NCOA2: variants seen among roughly 807,000 people sequenced by gnomAD.
The protein encoded by NCOA2 is class E basic helix-loop-helix protein 75.
NCOA2 carries 21 observed loss-of-function variants against 145.1 expected under a neutral mutation model. That is an observed-to-expected ratio of 0.14 (90% CI 0.10 to 0.21). NCOA2 has a LOEUF of 0.21. NCOA2 is among the 10% of genes least tolerant of loss of function. NCOA2 has a pLI of 1.00. For synonymous variants in NCOA2, 619 were observed against 637.5 expected (o/e 0.97, Z 0.44); for missense variants, 1,472 against 1,837.6 (o/e 0.80, Z 3.64).
In NCOA2 at chr8:70,379,638, C is replaced by T. The variant is rs564943531; in HGVS notation, c.-77+24062G>A. On this transcript the variant is annotated intron_variant, in intron 1 of 22. Coordinates refer to ENST00000452400, the MANE Select transcript of NCOA2 (RefSeq NM_006540.4). ...CTGCATTTACTGCTTATACAAAGCA[C>T]ACCCGAAGAGAAAAAAGTCATCTTT... is the stretch of plus-strand genomic sequence containing the variant. Among the ~76,000 whole-genome samples the T allele has an allele frequency of 2.0e-5, 3 of 152,226 alleles. No homozygotes were observed. In the East Asian group the frequency reaches 5.8e-4, roughly 29 times the overall value.
intron 2 of NCOA2, among the ~76,000 whole-genome samples, chr8:70,262,392 G>A (rs931168444): frequency 4.6e-5 from 7 of 152,192 alleles, no homozygotes; most frequent in African/African-American, 1.7e-4. Flanking sequence ...GGTCCTACAG[G>A]AGTTACCATA....
chr8:70,119,981 C>T (rs1807614706), intron 22 of NCOA2, among the ~76,000 whole-genome samples: 1 of 151,998 alleles, frequency 6.6e-6, no homozygotes, highest in Non-Finnish European at 1.5e-5. Context: ...GTGATTCTCC[C>T]ACCTCAGCCT....
At chr8:70,303,012 G>A (rs929335807) in intron 1 of NCOA2, among the ~76,000 whole-genome samples, 2 of 152,084 alleles carry the variant, frequency 1.3e-5, no homozygotes, top group Admixed American at 1.3e-4. Context: ...CATGGTCAGA[G>A]GCAATACAAT....
intron 1 of NCOA2, among the ~76,000 whole-genome samples, chr8:70,354,596 G>C (rs1809518328): frequency 6.6e-6 from 1 of 152,160 alleles, no homozygotes; most frequent in South Asian, 2.1e-4. Context: ...CCAGGGACTA[G>C]AGAAACCTGG....
chr8:70,292,995 C>T (rs1354059725), intron 2 of NCOA2, among the ~76,000 whole-genome samples: 3 of 152,102 alleles, frequency 2.0e-5, no homozygotes, highest in African/African-American at 7.2e-5. Context: ...AGACCAGGAT[C>T]GTGATTCTAC....
At chr8:70,399,767 G>A (rs1006911234) in intron 1 of NCOA2, among the ~76,000 whole-genome samples, 1 of 152,186 alleles carries the variant, frequency 6.6e-6, no homozygotes, top group East Asian at 1.9e-4. Flanking sequence ...ATTGTTTAAA[G>A]AGACCATCCC....
intron 2 of NCOA2, among the ~76,000 whole-genome samples, chr8:70,250,653 T>A (rs934675974): frequency 6.6e-6 from 1 of 152,176 alleles, no homozygotes; most frequent in Admixed American, 6.5e-5. Context: ...TAAATTTCTA[T>A]AATACAAATG....
At chr8:70,338,128 T>TAAA (rs375608788) in intron 1 of NCOA2, among the ~76,000 whole-genome samples, 3 of 150,636 alleles carry the variant, frequency 2.0e-5, no homozygotes, top group African/African-American at 7.3e-5. Context: ...AAAAAACCCT[T>TAAA]AAAAAAAAAT....
intron 2 of NCOA2, among the ~76,000 whole-genome samples, chr8:70,290,512 A>G (rs1826590054): frequency 6.6e-6 from 1 of 152,124 alleles, no homozygotes; most frequent in African/African-American, 2.4e-5. Flanking sequence ...ATAGACATCC[A>G]TGAATCATTC....
At chr8:70,403,394 G>C (rs893643135) in intron 1 of NCOA2, among the ~76,000 whole-genome samples, 3 of 151,500 alleles carry the variant, frequency 2.0e-5, no homozygotes, top group African/African-American at 7.3e-5. Context: ...CTCGTCTCCT[G>C]AGCTCTCGCA....
the NCOA2 span, among the ~76,000 whole-genome samples, chr8:70,436,849 C>T: frequency 6.6e-6 from 1 of 152,192 alleles, no homozygotes; most frequent in African/African-American, 2.4e-5. Flanking sequence ...GTATGACCAC[C>T]GTTATCTGAA....
chr8:70,304,535 C>T (rs528045038), intron 1 of NCOA2, among the ~76,000 whole-genome samples: 3 of 151,954 alleles, frequency 2.0e-5, no homozygotes, highest in East Asian at 1.9e-4. Context: ...GGCATGACCT[C>T]GGCTCACTGC....
At chr8:70,364,421 T>G (rs1810490502) in intron 1 of NCOA2, among the ~76,000 whole-genome samples, 1 of 152,188 alleles carries the variant, frequency 6.6e-6, no homozygotes, top group East Asian at 1.9e-4. Context: ...CAGCTCTGAC[T>G]TTTTCAGAAA....
chr8:70,385,886 A>T (rs1812612504), intron 1 of NCOA2, among the ~76,000 whole-genome samples: 1 of 152,232 alleles, frequency 6.6e-6, no homozygotes, highest in Non-Finnish European at 1.5e-5. Context: ...TATCCTTAGA[A>T]TTGAAATGCC....
Position 70,374,209 on chromosome 8 carries a change from C to T in NCOA2, c.-77+29491G>A, listed in dbSNP as rs181370194. On this transcript the variant is annotated intron_variant, in intron 1 of 22. Transcript: ENST00000452400. ...TGCACTGGTCGGGTGTGGTGGCTCA[C>T]GCCTATAATCCCACCACTTTAGAAG... is the stretch of plus-strand genomic sequence containing the variant. 4.4e-3 allele frequency among the ~76,000 whole-genome samples: 667 copies of T among 152,284 alleles called. 5 individuals carry two copies. The highest frequency in any genetic ancestry group is 6.6e-3 in the Non-Finnish European group (449 of 68,026).
chr8:70,114,415 C>T (rs181795516), intron 22 of NCOA2, among the ~76,000 whole-genome samples: 5 of 152,268 alleles, frequency 3.3e-5, no homozygotes, highest in Admixed American at 2.6e-4. Context: ...AATTATGTGG[C>T]GTTGTTTCTT....
At position 70,149,476 on chromosome 8, in the gene NCOA2, A is replaced by G. The variant is rs189110013; in HGVS notation, c.2395-993T>C. Among the ~76,000 whole-genome samples, 142 of 151,366 alleles carry G rather than the reference A, an allele frequency of 9.4e-4. 3 individuals are homozygous for G. Among genetic ancestry groups the G allele is most frequent in the Admixed American group, 7.8e-3 (118 of 15,182 alleles). ...TTGCCCAGGCTGGTCTCTGAGCTCA[A>G]GCAGTCCTCCTGCCTCAGCTTCCCA... On this transcript the variant is annotated intron_variant, in intron 11 of 22. Coordinates refer to ENST00000452400, the MANE Select transcript of NCOA2 (RefSeq NM_006540.4).
intron 1 of NCOA2, among the ~76,000 whole-genome samples, chr8:70,342,898 A>G (rs1461395828): frequency 6.6e-6 from 1 of 151,768 alleles, no homozygotes; most frequent in Admixed American, 6.6e-5. Flanking sequence ...GTAGATTCCA[A>G]ATATGCTGTT....
In NCOA2 at chr8:70,156,339, C is replaced by G. The variant is rs180873023; in HGVS notation, c.2026G>C (p.Gly676Arg). ...KDSTGSLPGSGSTHGTSLKEK... is the reference protein window; with the variant it reads ...KDSTGSLPGSRSTHGTSLKEK... ...TTGAGCGAGGTTCCATGTGTAGACC[C>G]AGAACCAGGCAAGCTACCTGTGGAG... Residue 676 changes from glycine to arginine, a missense_variant, in exon 11 of 23, where the codon GGG becomes CGG. This residue lies in a region of NCOA2 where 953 missense variants were observed against 1,062.1 expected (regional missense o/e 0.90). Transcript: ENST00000452400. 1.9e-6 allele frequency: 3 copies of G among 1,613,764 alleles called. No homozygotes were observed. The Admixed American group carries it at 5.0e-5, about 27-fold the overall frequency.
Sources: allele counts gnomAD v4.1 joint callset (sites outside exome capture counted in the v4.1 genomes callset), GRCh38; gene constraint gnomAD v4.1.1; regional missense constraint gnomAD v4.1.1; transcripts MANE v1.5; gene names NCBI Gene and HGNC (gene_info 2026-07-23, HGNC 2026-07-21).